PITPNC1: variants seen among roughly 807,000 people sequenced by gnomAD.
PITPNC1 encodes phosphatidylinositol transfer protein cytoplasmic 1, also known as cytoplasmic phosphatidylinositol transfer protein 1.
Under a neutral mutation model 44.7 loss-of-function variants are expected in PITPNC1, and 18 were observed. That is an observed-to-expected ratio of 0.40 (90% CI 0.28 to 0.60). PITPNC1 has a LOEUF of 0.60. Among genes scored for constraint, PITPNC1 ranks in the 20% least tolerant of loss-of-function variants. The pLI, the probability that PITPNC1 is intolerant of heterozygous loss-of-function variation, is 0.39. For synonymous variants in PITPNC1, 141 were observed against 149.6 expected (o/e 0.94, Z 0.42); for missense variants, 290 against 418.4 (o/e 0.69, Z 2.68).
Position 67,551,257 on chromosome 17 carries a change from T to C in PITPNC1, c.198-1000T>C, listed in dbSNP as rs551585427. 1.6e-4 allele frequency among the ~76,000 whole-genome samples: 24 copies of C among 152,308 alleles called. No homozygotes were observed. The South Asian group carries it at 5.0e-3, about 32-fold the overall frequency. On this transcript the variant is annotated intron_variant, in intron 2 of 8. Transcript: ENST00000581322. ...CCCTGGGACCTGTGCCTTTTGAGAATTTGTTTTCTGCAAATGACTGCTCCA... is the reference window on the plus strand; with the variant it reads ...CCCTGGGACCTGTGCCTTTTGAGAACTTGTTTTCTGCAAATGACTGCTCCA...
intron 1 of PITPNC1, among the ~76,000 whole-genome samples, chr17:67,439,765 A>G (rs940361243): frequency 3.9e-5 from 6 of 152,164 alleles, no homozygotes; most frequent in African/African-American, 1.2e-4. Context: ...TTTTTTAAGT[A>G]TGCTTAAATG....
At chr17:67,467,494 GTC>G (rs2039445594) in intron 1 of PITPNC1, among the ~76,000 whole-genome samples, 1 of 152,140 alleles carries the variant, frequency 6.6e-6, no homozygotes, top group East Asian at 1.9e-4. Flanking sequence ...AATGGATGTT[GTC>G]ATAGGCTTTT....
intron 1 of PITPNC1, among the ~76,000 whole-genome samples, chr17:67,422,288 A>G (rs1034577701): frequency 2.0e-5 from 3 of 152,226 alleles, no homozygotes; most frequent in Non-Finnish European, 4.4e-5. Context: ...GGTGAGTGGC[A>G]TATGGAGAGA....
At position 67,441,073 on chromosome 17, in the gene PITPNC1, T is replaced by C. The variant is rs559796279; in HGVS notation, c.48+62871T>C. ...GCTTTGTTTTTAACTTTACAGGACA[T>C]ATCAGAGTATAGCTATTGTGCCTGT... On this transcript the variant is annotated intron_variant, in intron 1 of 8. Coordinates refer to ENST00000581322, the MANE Select transcript of PITPNC1 (RefSeq NM_012417.4). Among the ~76,000 whole-genome samples the C allele has an allele frequency of 3.3e-5, 5 of 152,270 alleles. No homozygotes were observed. The South Asian group carries it at 1.0e-3, about 32-fold the overall frequency.
intron 1 of PITPNC1, among the ~76,000 whole-genome samples, chr17:67,502,362 A>C (rs2040042856): frequency 6.6e-6 from 1 of 151,508 alleles, no homozygotes; most frequent in Admixed American, 6.6e-5. Context: ...CAGGAAATGG[A>C]TTGAAATTGT....
At chr17:67,388,313 G>A (rs934049755) in intron 1 of PITPNC1, among the ~76,000 whole-genome samples, 1 of 146,562 alleles carries the variant, frequency 6.8e-6, no homozygotes, top group Non-Finnish European at 1.5e-5. Context: ...ATTAGTTTTC[G>A]TTTCTTTTTT....
intron 5 of PITPNC1, among the ~76,000 whole-genome samples, chr17:67,629,238 CTGTG>C (rs71139164): frequency 6.1e-5 from 8 of 131,228 alleles, no homozygotes; most frequent in African/African-American, 2.0e-4. Flanking sequence ...CTGGGGTATT[CTGTG>C]TGTGTGTGTG....
chr17:67,396,191 T>A (rs894641593), intron 1 of PITPNC1, among the ~76,000 whole-genome samples: 1 of 152,046 alleles, frequency 6.6e-6, no homozygotes, highest in Non-Finnish European at 1.5e-5. Context: ...CTATTAGAGG[T>A]CCAAATGGAA....
intron 5 of PITPNC1, among the ~76,000 whole-genome samples, chr17:67,606,132 A>C (rs531787433): frequency 6.6e-6 from 1 of 152,130 alleles, no homozygotes; most frequent in Non-Finnish European, 1.5e-5. Context: ...GGCTGACTGA[A>C]TTGATGGAAC....
intron 6 of PITPNC1, chr17:67,638,835 G>A (rs1460033688): frequency 1.3e-5 from 2 of 152,156 alleles, no homozygotes; most frequent in African/African-American, 4.8e-5. Context: ...TGGGCCAGGT[G>A]CAGTGGCTCA....
intron 4 of PITPNC1, among the ~76,000 whole-genome samples, chr17:67,559,721 G>A (rs1026393686): frequency 7.2e-5 from 11 of 151,928 alleles, no homozygotes; most frequent in African/African-American, 2.4e-4. Flanking sequence ...ACCTTGTCTC[G>A]ACTAAAAATA....
intron 1 of PITPNC1, among the ~76,000 whole-genome samples, chr17:67,464,172 G>A (rs567857126): frequency 1.1e-4 from 16 of 150,978 alleles, no homozygotes; most frequent in South Asian, 4.2e-4. Context: ...CAGCCTGGGC[G>A]ACAGAACGAG....
At chr17:67,476,734 C>T (rs772464523) in intron 1 of PITPNC1, among the ~76,000 whole-genome samples, 2 of 152,072 alleles carry the variant, frequency 1.3e-5, no homozygotes, top group Non-Finnish European at 2.9e-5. Flanking sequence ...ATACTCCCAC[C>T]TCCACCTCCC....
chr17:67,529,082 C>T (rs2040427346), intron 1 of PITPNC1, among the ~76,000 whole-genome samples: 2 of 152,142 alleles, frequency 1.3e-5, no homozygotes, highest in Non-Finnish European at 2.9e-5. Context: ...CACACTGACG[C>T]CGTCTCAGTG....
intron 1 of PITPNC1, chr17:67,378,983 C>G: frequency 7.1e-6 from 7 of 985,388 alleles, no homozygotes; most frequent in Non-Finnish European, 8.4e-6. Context: ...AAGCGCGGCT[C>G]TGCTGTCCTT....
At chr17:67,593,051 A>C (rs1257086923) in intron 5 of PITPNC1, among the ~76,000 whole-genome samples, 1 of 152,196 alleles carries the variant, frequency 6.6e-6, no homozygotes, top group African/African-American at 2.4e-5. Context: ...AAAAAAAGAA[A>C]GAAAAGAATG....
At chr17:67,550,266 A>T (rs1015767800) in intron 2 of PITPNC1, among the ~76,000 whole-genome samples, 1 of 152,136 alleles carries the variant, frequency 6.6e-6, no homozygotes, top group Non-Finnish European at 1.5e-5. Context: ...CCCGCCTAAG[A>T]GCAGGGGCCT....
chr17:67,471,595 G>T (rs1014922553), intron 1 of PITPNC1: 2 of 356,680 alleles, frequency 5.6e-6, no homozygotes, highest in Non-Finnish European at 1.1e-5. Context: ...CTCTGGATTT[G>T]CAATTATTCT....
chr17:67,578,463 T>G (rs990738920), intron 5 of PITPNC1, among the ~76,000 whole-genome samples: 6 of 152,236 alleles, frequency 3.9e-5, no homozygotes, highest in Non-Finnish European at 7.3e-5. Flanking sequence ...CTTCTCATTT[T>G]TATGTACTTT....
Sources: allele counts gnomAD v4.1 joint callset (sites outside exome capture counted in the v4.1 genomes callset), GRCh38; gene constraint gnomAD v4.1.1; transcripts MANE v1.5; gene names NCBI Gene and HGNC (gene_info 2026-07-23, HGNC 2026-07-21).